Variants in PDE8B observed in about 807,000 individuals in gnomAD.
The protein encoded by PDE8B is phosphodiesterase 8B, also known as high affinity cAMP-specific and IBMX-insensitive 3',5'-cyclic phosphodiesterase 8B.
Under a neutral mutation model 101.3 loss-of-function variants are expected in PDE8B, and 26 were observed. The ratio of observed to expected loss-of-function variants is 0.26; its 90% CI spans 0.19 to 0.36. The LOEUF (loss-of-function observed/expected upper bound fraction) is 0.36, where lower values mean the gene tolerates loss of function less well. Among genes scored for constraint, PDE8B ranks in the 10% least tolerant of loss-of-function variants. The probability of loss-of-function intolerance (pLI) is 1.00; values close to 1 mark genes in which losing one functional copy is unlikely to be tolerated. For synonymous variants in PDE8B, 424 were observed against 429.3 expected (o/e 0.99, Z 0.15); for missense variants, 810 against 1,163.1 (o/e 0.70, Z 4.42).
chr5:77,370,684 A>T (rs78344986), intron 10 of PDE8B, among the ~76,000 whole-genome samples: 11,242 of 152,158 alleles, frequency 0.074, 645 homozygotes, highest in African/African-American at 0.16. Flanking sequence ...CTAGGAGTAG[A>T]TTTGCTAAGT....
chr5:77,373,782 A>G (rs765999095), intron 10 of PDE8B, among the ~76,000 whole-genome samples: 4 of 152,144 alleles, frequency 2.6e-5, no homozygotes, highest in Non-Finnish European at 5.9e-5. Flanking sequence ...TTATTGGTCA[A>G]TATTATTCTA....
intron 10 of PDE8B, among the ~76,000 whole-genome samples, chr5:77,398,806 G>A (rs335598): frequency 0.71 from 108,199 of 152,132 alleles, 39,278 homozygotes; most frequent in African/African-American, 0.87. Context: ...ATCATCTGAA[G>A]TGTGAGCCAC....
intron 1 of PDE8B, among the ~76,000 whole-genome samples, chr5:77,242,215 A>G (rs557519565): frequency 6.6e-6 from 1 of 152,318 alleles, no homozygotes; most frequent in South Asian, 2.1e-4. Flanking sequence ...GTGTGTTTAC[A>G]ATTTTCCCCT....
chr5:77,138,779 A>G, the PDE8B span, among the ~76,000 whole-genome samples: 26,361 of 152,122 alleles, frequency 0.17, 2,461 homozygotes, highest in East Asian at 0.33. Flanking sequence ...ACGATCTAAA[A>G]CACTATGTAA....
intron 2 of PDE8B, among the ~76,000 whole-genome samples, chr5:77,320,868 G>T (rs559901553): frequency 6.6e-6 from 1 of 152,120 alleles, no homozygotes; most frequent in Non-Finnish European, 1.5e-5. Flanking sequence ...CCATGTCAAA[G>T]AAATCAGAAA....
At chr5:77,187,412 G>C in the PDE8B span, among the ~76,000 whole-genome samples, 1 of 152,048 alleles carries the variant, frequency 6.6e-6, no homozygotes, top group African/African-American at 2.4e-5. Context: ...ATGTGCAAAG[G>C]GGTTACCTCT....
At chr5:77,349,073 A>G (rs1780635923) in intron 7 of PDE8B, among the ~76,000 whole-genome samples, 1 of 151,974 alleles carries the variant, frequency 6.6e-6, no homozygotes, top group Admixed American at 6.6e-5. Flanking sequence ...TTCCTTATTC[A>G]TGGGGCGGTA....
At chr5:77,163,160 G>A in the PDE8B span, among the ~76,000 whole-genome samples, 12,217 of 152,208 alleles carry the variant, frequency 0.08, 590 homozygotes, top group African/African-American at 0.14. Flanking sequence ...ATTCAGTTTC[G>A]TGATAGAAAT....
intron 10 of PDE8B, among the ~76,000 whole-genome samples, chr5:77,370,112 G>A (rs1784828164): frequency 6.6e-6 from 1 of 151,868 alleles, no homozygotes; most frequent in African/African-American, 2.4e-5. Context: ...TCCTCCTAAA[G>A]CCTTTAGCGT....
At chr5:77,232,466 C>G (rs1753774864) in intron 1 of PDE8B, among the ~76,000 whole-genome samples, 1 of 152,176 alleles carries the variant, frequency 6.6e-6, no homozygotes, top group Non-Finnish European at 1.5e-5. Flanking sequence ...TCAAGTTAAT[C>G]AAAGTGGAAT....
At chr5:77,297,634 T>C (rs746721619) in intron 1 of PDE8B, among the ~76,000 whole-genome samples, 3 of 152,162 alleles carry the variant, frequency 2.0e-5, no homozygotes, top group Non-Finnish European at 2.9e-5. Context: ...TCCAGCCAAC[T>C]ACAATCCAGC....
At chr5:77,423,977 C>T (rs747152369) in intron 20 of PDE8B, among the ~76,000 whole-genome samples, 14 of 151,628 alleles carry the variant, frequency 9.2e-5, no homozygotes, top group South Asian at 2.1e-4. Context: ...GCTTGTGTGT[C>T]GTCTTTTGAG....
chr5:77,288,053 G>T (rs1469008424), intron 1 of PDE8B, among the ~76,000 whole-genome samples: 2 of 152,178 alleles, frequency 1.3e-5, no homozygotes, highest in Non-Finnish European at 2.9e-5. Context: ...TATTCCCGCA[G>T]ACAGAATTTA....
rs532421170 is a variant in PDE8B, at chr5:77,359,173, G to C, written c.1167+5767G>C. Among the ~76,000 whole-genome samples, 11 of 152,308 alleles carry C rather than the reference G, an allele frequency of 7.2e-5. No individual in the cohort carries two copies. The East Asian group carries it at 1.9e-3, about 27-fold the overall frequency. On this transcript the variant is annotated intron_variant, in intron 10 of 21. Transcript: ENST00000264917. ...AGGGGTGGGGGTACTGAGAATCCAG[G>C]GGTAGGATTCTGTGTTTGAGAAGTC...
At chr5:77,311,703 T>C (rs1417286524) in intron 1 of PDE8B, among the ~76,000 whole-genome samples, 1 of 152,206 alleles carries the variant, frequency 6.6e-6, no homozygotes, top group Non-Finnish European at 1.5e-5. Flanking sequence ...ATGCTTATTA[T>C]AAAAATCCAG....
chr5:77,133,219 G>A, the PDE8B span, among the ~76,000 whole-genome samples: 1 of 152,214 alleles, frequency 6.6e-6, no homozygotes, highest in Non-Finnish European at 1.5e-5. Context: ...GCCATCAGAA[G>A]CACAGAACAA....
the PDE8B span, chr5:77,105,404 T>C: frequency 1.3e-5 from 2 of 152,236 alleles, no homozygotes; most frequent in Non-Finnish European, 2.9e-5. Context: ...AGGCTTGTGT[T>C]AGATGATTTT....
At chr5:77,304,289 T>C (rs572614271) in intron 1 of PDE8B, among the ~76,000 whole-genome samples, 7 of 152,344 alleles carry the variant, frequency 4.6e-5, no homozygotes, top group African/African-American at 1.7e-4. Flanking sequence ...TCTTCCTGAT[T>C]ACTAATGATG....
intron 1 of PDE8B, among the ~76,000 whole-genome samples, chr5:77,220,173 C>T (rs1271406346): frequency 1.3e-5 from 2 of 152,204 alleles, no homozygotes; most frequent in Admixed American, 6.5e-5. Flanking sequence ...CCCTTCTTCT[C>T]AGTCACATGT....
Sources: gnomAD v4.1 joint callset for allele counts (sites outside exome capture counted in the v4.1 genomes callset) on GRCh38, gnomAD v4.1.1 for gene constraint, MANE v1.5 for transcripts, NCBI Gene and HGNC (gene_info 2026-07-23, HGNC 2026-07-21) for gene names.